The following MICALL1 variants were observed in gnomAD, a reference collection of about 807,000 sequenced individuals.
MICALL1 encodes the protein MICAL-like protein 1.
In MICALL1, 61 loss-of-function variants were observed where a neutral mutation model predicts 83.7. The ratio of observed to expected loss-of-function variants is 0.73; its 90% CI spans 0.59 to 0.90. The LOEUF (loss-of-function observed/expected upper bound fraction) is 0.90, where lower values mean the gene tolerates loss of function less well. MICALL1 is among the 40% of genes least tolerant of loss of function. The pLI is 0.00. For missense variants in MICALL1, 1,066 were observed against 1,152.0 expected (o/e 0.93, Z 1.08); for synonymous variants, 481 against 473.6 (o/e 1.02, Z -0.20).
In MICALL1 at chr22:37,926,013, GC is replaced by G. The variant is rs1374010226; in HGVS notation, c.1439del (p.Pro480ArgfsTer87). On this transcript the variant is annotated frameshift_variant, in exon 8 of 16. Coordinates refer to ENST00000215957, the MANE Select transcript of MICALL1 (RefSeq NM_033386.4). LOFTEE classifies it high-confidence loss of function. ...TSSPKTKKRP[A>X]PRAPSASPLA... is the part of the protein sequence containing the mutation. ...CAGCCCCAAGACAAAGAAGCGCCCT[GC>G]CCCGCGCGCACCCAGCGCGTCCCCA... The G allele has an allele frequency of 3.7e-6, 6 of 1,610,926 alleles. No individual in the cohort carries two copies. Among genetic ancestry groups the G allele is most frequent in the Non-Finnish European group, 5.1e-6 (6 of 1,178,372 alleles).
intron 9 of MICALL1, 88 bp from the exon 10 acceptor site, chr22:37,931,711 T>G (rs1235606046): frequency 1.3e-6 from 2 of 1,546,396 alleles, no homozygotes; most frequent in Non-Finnish European, 1.8e-6. Context: ...AGTGCTGGCC[T>G]GCTTTCCATG....
At chr22:37,919,635 C>CAAAAA (rs34083064) in intron 5 of MICALL1, among the ~76,000 whole-genome samples, 1 of 59,696 alleles carries the variant, frequency 1.7e-5, no homozygotes, top group African/African-American at 6.9e-5. Context: ...GACTCTGTCT[C>CAAAAA]AAAAAAAAAA....
At chr22:37,940,647 A>C in intron 15 of MICALL1, 62 bp from the exon 16 acceptor site, 2 of 1,596,024 alleles carry the variant, frequency 1.3e-6, no homozygotes, top group African/African-American at 1.3e-5. Context: ...CACTGGGTCT[A>C]GCCTGCCCTG....
In MICALL1 at chr22:37,922,094, C is replaced by A; in HGVS notation, c.692C>A (p.Pro231His). 1 of 1,613,396 alleles carries A rather than the reference C, an allele frequency of 6.2e-7. No individual in the cohort carries two copies. The highest frequency in any genetic ancestry group is 8.5e-7 in the Non-Finnish European group (1 of 1,180,014). ...CCGGGGACACGGTCGGGGACCAGGC[C>A]TGGGCCCTTCTCACAGCCAAAGCAG... ...LGPGTRSGTRPGPFSQPKQQH... is the reference protein window; with the variant it reads ...LGPGTRSGTRHGPFSQPKQQH... The change falls in exon 6 of 16, where the codon CCT becomes CAT. Residue 231 changes from proline (P) to histidine (H), a missense_variant. Transcript: ENST00000215957.
At chr22:37,917,097 C>T (rs1413808923) in intron 3 of MICALL1, among the ~76,000 whole-genome samples, 2 of 152,096 alleles carry the variant, frequency 1.3e-5, no homozygotes, top group Non-Finnish European at 2.9e-5. Context: ...GTCTTGAACT[C>T]CTGACCTCAA....
rs550716094 is a variant in MICALL1, at chr22:37,917,969, G to A, written c.426+174G>A. On this transcript the variant is annotated intron_variant, in intron 4 of 15. Coordinates refer to ENST00000215957, the MANE Select transcript of MICALL1 (RefSeq NM_033386.4). ...TTGGGAACAGGTGTCCCTGACTGGG[G>A]CAGTGAGGCATGGGTCAGGAGGCCA... is the stretch of plus-strand genomic sequence containing the variant. 4.6e-5 allele frequency among the ~76,000 whole-genome samples: 7 copies of A among 152,350 alleles called. No individual in the cohort carries two copies. The South Asian group carries it at 8.3e-4, about 18-fold the overall frequency.
rs2145864049 is a variant in MICALL1 at position 37,906,324 on chromosome 22, G to A, written c.-99G>A. 6.7e-6 allele frequency: 6 copies of A among 898,036 alleles called. No homozygotes were observed. Among genetic ancestry groups the A allele is most frequent in the African/African-American group, 1.8e-5 (1 of 54,984 alleles). The allele number at this position is 898,036 out of a possible 1,614,324, so 55.6% of individuals were successfully genotyped here. ...CTGCCGGTCGGCGCCCGAGCTCGGAGCCGCAGCCGCAGCCGGAAACCGGGC... is the reference window on the plus strand; with the variant it reads ...CTGCCGGTCGGCGCCCGAGCTCGGAACCGCAGCCGCAGCCGGAAACCGGGC... On this transcript the variant is annotated 5_prime_UTR_variant, in exon 1 of 16. Coordinates refer to ENST00000215957, the MANE Select transcript of MICALL1 (RefSeq NM_033386.4). The surrounding 1 kb of genome is among the most constrained non-coding windows in gnomAD (Gnocchi z 4.4).
At chr22:37,936,164 T>C (rs1398008680) in intron 13 of MICALL1, among the ~76,000 whole-genome samples, 1 of 151,672 alleles carries the variant, frequency 6.6e-6, no homozygotes, top group Non-Finnish European at 1.5e-5. Flanking sequence ...CCCCTGGGGG[T>C]GGTCCTGTGG....
chr22:37,912,227 A>G, intron 2 of MICALL1, 124 bp from the exon 3 acceptor site: 3 of 1,253,710 alleles, frequency 2.4e-6, no homozygotes, highest in Non-Finnish European at 3.3e-6. Flanking sequence ...ATTAATACTG[A>G]GGGGAGCCCA....
In MICALL1 at chr22:37,932,454, G is replaced by T; in HGVS notation, c.2017-99G>T. On this transcript the variant is annotated intron_variant, in intron 10 of 15. Transcript: ENST00000215957. The surrounding 1 kb of genome is among the most constrained non-coding windows in gnomAD (Gnocchi z 4.4). ...ATGCTGGGGTGGGGGACAGGGCCCG[G>T]GCCCTGGAGCCACCAGTGGCCAATG... 6.5e-7 allele frequency: 1 copy of T among 1,543,364 alleles called. No homozygotes were observed. The highest frequency in any genetic ancestry group is 2.3e-5 in the East Asian group (1 of 44,118).
At chr22:37,933,615 A>G (rs1360727095) in intron 13 of MICALL1, among the ~76,000 whole-genome samples, 2 of 152,118 alleles carry the variant, frequency 1.3e-5, no homozygotes, top group African/African-American at 4.8e-5. Flanking sequence ...CTGATGGCTG[A>G]TGGTTACCAT....
chr22:37,934,496 T>G (rs1242764191), intron 13 of MICALL1, among the ~76,000 whole-genome samples: 1 of 151,572 alleles, frequency 6.6e-6, no homozygotes, highest in Non-Finnish European at 1.5e-5. Flanking sequence ...CACCTGCTCC[T>G]CAATTTTGGC....
In MICALL1 at chr22:37,932,926, C is replaced by T. The variant is rs781774156; in HGVS notation, c.2234+38C>T. 2.8e-5 allele frequency: 45 copies of T among 1,612,974 alleles called. No individual in the cohort carries two copies. Among genetic ancestry groups the T allele is most frequent in the Non-Finnish European group, 3.4e-5 (40 of 1,179,188 alleles). ...GCCTGGGGCATCCCTCCCTGGAATC[C>T]GTAGAGCTTAGAATGGAGAACCCTT... is the stretch of plus-strand genomic sequence containing the variant. On this transcript the variant is annotated intron_variant, in intron 12 of 15. Coordinates refer to ENST00000215957, the MANE Select transcript of MICALL1 (RefSeq NM_033386.4). The surrounding 1 kb of genome is among the most constrained non-coding windows in gnomAD (Gnocchi z 4.4).
At chr22:37,918,549 C>A (rs887278061) in intron 4 of MICALL1, among the ~76,000 whole-genome samples, 2 of 152,214 alleles carry the variant, frequency 1.3e-5, no homozygotes, top group Admixed American at 1.3e-4. Flanking sequence ...GAGCAGCTTG[C>A]TCAGGTTCAC....
intron 13 of MICALL1, among the ~76,000 whole-genome samples, chr22:37,936,297 T>C (rs976290286): frequency 3.3e-5 from 5 of 152,190 alleles, no homozygotes; most frequent in Non-Finnish European, 7.4e-5. Context: ...CTCCACAGCC[T>C]TGGATAAATG....
At position 37,925,876 on chromosome 22, in the gene MICALL1, A is replaced by T. The variant is rs1206590816; in HGVS notation, c.1298A>T (p.Asp433Val). The T allele has an allele frequency of 6.2e-7, 1 of 1,613,594 alleles. No homozygotes were observed. Among genetic ancestry groups the T allele is most frequent in the South Asian group, 1.1e-5 (1 of 91,038 alleles). Residue 433 changes from aspartate (D) to valine (V), a missense_variant, in exon 8 of 16, where the codon GAC becomes GTC. By Grantham distance (152) the Asp-to-Val change is radical (BLOSUM62 -3). Coordinates refer to ENST00000215957, the MANE Select transcript of MICALL1 (RefSeq NM_033386.4). ...AACCCCTTTGAGGAGGAGGAGGAGGACAAGGAGGAAGAGGCTCCAGCTGCA... is the reference window on the plus strand; with the variant it reads ...AACCCCTTTGAGGAGGAGGAGGAGGTCAAGGAGGAAGAGGCTCCAGCTGCA... The part of the protein sequence containing the change: ...PYNPFEEEEE[D>V]KEEEAPAAPS...
Position 37,937,200 on chromosome 22 carries a change from A to C in MICALL1, c.2423+6A>C. On this transcript the variant is annotated splice_donor_region_variant and intron_variant, in intron 14 of 15. Transcript: ENST00000215957. ...CTGGATGAGGACCGGCAGAGGTGAC[A>C]TGGCCAGGGGTGGGGGGTCCTGGGG... 4 of 1,266,848 alleles carry C rather than the reference A, an allele frequency of 3.2e-6. No homozygotes were observed. The highest frequency in any genetic ancestry group is 1.6e-5 in the African/African-American group (1 of 63,924). The allele number at this position is 1,266,848 out of a possible 1,614,324, so 78.5% of individuals were successfully genotyped here.
chr22:37,928,351 C>T (rs1325803118), intron 9 of MICALL1, among the ~76,000 whole-genome samples: 1 of 152,174 alleles, frequency 6.6e-6, no homozygotes, highest in South Asian at 2.1e-4. Flanking sequence ...GGACTACAGG[C>T]GCCCGCCACC....
In MICALL1 at chr22:37,930,751, GTGTGTGGGTACTGGGC is replaced by G. The variant is rs1024996398; in HGVS notation, c.1882-1043_1882-1028del. Among the ~76,000 whole-genome samples, 4 of 152,228 alleles carry G rather than the reference GTGTGTGGGTACTGGGC, an allele frequency of 2.6e-5. No homozygotes were observed. The highest frequency in any genetic ancestry group is 2.0e-4 in the Admixed American group (3 of 15,290). ...GAAGGATGCAGAGCCTGGGCTCTGG[GTGTGTGGGTACTGGGC>G]TGTGCAGCAGAGGATGAGATCTTTC... On this transcript the variant is annotated intron_variant, in intron 9 of 15. Coordinates refer to ENST00000215957, the MANE Select transcript of MICALL1 (RefSeq NM_033386.4). This position sits in a 1 kb window ranked among gnomAD's most constrained non-coding sequence, Gnocchi z 4.8.
Sources: gnomAD v4.1 joint callset for allele counts (sites outside exome capture counted in the v4.1 genomes callset) on GRCh38, gnomAD v4.1.1 for gene constraint, Gnocchi (gnomAD v3.1) non-coding constraint, MANE v1.5 for transcripts, NCBI Gene and HGNC (gene_info 2026-07-23, HGNC 2026-07-21) for gene names.